Variants in IPO13 observed in about 807,000 individuals in gnomAD.
IPO13 encodes the protein importin 13, also known as importin-13.
Under a neutral mutation model 115.5 loss-of-function variants are expected in IPO13, and 28 were observed. The ratio of observed to expected loss-of-function variants is 0.24; its 90% CI spans 0.18 to 0.33. The LOEUF is 0.33. Among genes scored for constraint, IPO13 ranks in the 10% least tolerant of loss-of-function variants. The pLI is 1.00. For missense variants in IPO13, 785 were observed against 1,204.6 expected (o/e 0.65, Z 5.16); for synonymous variants, 414 against 478.9 (o/e 0.86, Z 1.77).
chr1:43,961,409 A>G (rs2085289776), intron 14 of IPO13, 147 bp downstream of exon 14: 2 of 730,040 alleles, frequency 2.7e-6, no homozygotes, highest in Middle Eastern at 2.4e-4. Flanking sequence ...ATCAAGCACA[A>G]CACCTTATAA....
At position 43,966,919 on chromosome 1, in the gene IPO13, A is replaced by C; in HGVS notation, c.2524-11A>C. On this transcript the variant is annotated splice_polypyrimidine_tract_variant and intron_variant, in intron 17 of 19. Transcript: ENST00000372343. The surrounding 1 kb of genome is among the most constrained non-coding windows in gnomAD (Gnocchi z 4.1). ...AGGAGCTGGGCTGATGGGCCTCTCCATCCTCTGCAGACAGAGCTGCTGCCT... is the reference window on the plus strand; with the variant it reads ...AGGAGCTGGGCTGATGGGCCTCTCCCTCCTCTGCAGACAGAGCTGCTGCCT... 6.2e-7 allele frequency: 1 copy of C among 1,613,482 alleles called. No homozygotes were observed. Among genetic ancestry groups the C allele is most frequent in the South Asian group, 1.1e-5 (1 of 91,084 alleles).
In IPO13 at chr1:43,947,517, CG is replaced by C; in HGVS notation, c.-80del. 1 of 793,962 alleles carries C rather than the reference CG, an allele frequency of 1.3e-6. No homozygotes were observed. 49.2% of individuals were successfully genotyped at this position (793,962 alleles called of 1,614,324 possible). On this transcript the variant is annotated 5_prime_UTR_variant, in exon 1 of 20. It removes the in-frame stop codon of an upstream open reading frame in the 5' UTR. Transcript: ENST00000372343. ...CCCACCACTCCCTGGGCACCCAAGCCGGGGTCTAGCAGGGGGCCAGCAGCCA... is the reference window on the plus strand; with the variant it reads ...CCCACCACTCCCTGGGCACCCAAGCCGGGTCTAGCAGGGGGCCAGCAGCCA...
Position 43,950,212 on chromosome 1 carries a change from A to G in IPO13, c.821+59A>G. 2.0e-6 allele frequency: 3 copies of G among 1,536,712 alleles called. No homozygotes were observed. The South Asian group carries it at 3.8e-5, about 19-fold the overall frequency. On this transcript the variant is annotated intron_variant, in intron 2 of 19. Coordinates refer to ENST00000372343, the MANE Select transcript of IPO13 (RefSeq NM_014652.4). Reference sequence around the variant, plus strand: ...TCTTTGGCCAGCCACACATCCATCCATCCATCTGTTCAATAAACATTAATT... The same window carrying G: ...TCTTTGGCCAGCCACACATCCATCCGTCCATCTGTTCAATAAACATTAATT...
chr1:43,957,739 G>A (rs2085261163), intron 7 of IPO13, among the ~76,000 whole-genome samples, 190 bp downstream of exon 7: 1 of 152,254 alleles, frequency 6.6e-6, no homozygotes, highest in Non-Finnish European at 1.5e-5. Context: ...GCAATTCAGT[G>A]AGGCTAGTTT....
chr1:43,948,640 C>T lies in IPO13; in HGVS notation c.85-777C>T, dbSNP rs764565246. On this transcript the variant is annotated intron_variant, in intron 1 of 19. Transcript: ENST00000372343. ...GGTCAGGGTCCTGGCCATACTCTTC[C>T]GCCCCTTGGAGCAGGGCAGTGTTGG... Among the ~76,000 whole-genome samples the T allele has an allele frequency of 2.0e-4, 31 of 152,366 alleles. No homozygotes were observed. The East Asian group carries it at 3.5e-3, about 17-fold the overall frequency.
rs1278111482 is a variant in IPO13 at position 43,956,126 on chromosome 1, G to T, written c.822-194G>T. 6.6e-6 allele frequency among the ~76,000 whole-genome samples: 1 copy of T among 152,132 alleles called. No homozygotes were observed. The highest frequency in any genetic ancestry group is 1.5e-5 in the Non-Finnish European group (1 of 68,024). On this transcript the variant is annotated intron_variant, in intron 2 of 19. Transcript: ENST00000372343. This position sits in a 1 kb window ranked among gnomAD's most constrained non-coding sequence, Gnocchi z 4.7. Reference sequence around the variant, plus strand: ...TACGTCCTTCTCAGAGTTCTTCTGGGGGTCCCTGATCTAAGGTTCTTCCCA... The same window carrying T: ...TACGTCCTTCTCAGAGTTCTTCTGGTGGTCCCTGATCTAAGGTTCTTCCCA...
rs967255497 is a variant in IPO13 at position 43,967,270 on chromosome 1, C to A, written c.2614-45C>A. 1 of 1,585,904 alleles carries A rather than the reference C, an allele frequency of 6.3e-7. No homozygotes were observed. Among genetic ancestry groups the A allele is most frequent in the Admixed American group, 1.7e-5 (1 of 59,108 alleles). On this transcript the variant is annotated intron_variant, in intron 18 of 19. Transcript: ENST00000372343. This position sits in a 1 kb window ranked among gnomAD's most constrained non-coding sequence, Gnocchi z 6.1. ...TTAGGCATTCTTGCTGCAGAAGCGG[C>A]GGAAGGGGCAACACCCTGGTGTGCT...
At chr1:43,965,655 G>C (rs1251123110) in intron 15 of IPO13, among the ~76,000 whole-genome samples, 2 of 151,814 alleles carry the variant, frequency 1.3e-5, no homozygotes, top group Non-Finnish European at 2.9e-5. Context: ...TGTAATGAGG[G>C]TGTGTTCCAG....
At position 43,966,299 on chromosome 1, in the gene IPO13, G is replaced by C; in HGVS notation, c.2398-276G>C. On this transcript the variant is annotated intron_variant, in intron 15 of 19. Transcript: ENST00000372343. The surrounding 1 kb of genome is among the most constrained non-coding windows in gnomAD (Gnocchi z 4.1). ...ATGGAGGGGGAGGGAAAGGTGTCTG[G>C]AACCCAAACTTTCTGCATTATGATC... 1 of 553,058 alleles carries C rather than the reference G, an allele frequency of 1.8e-6. No homozygotes were observed. Among genetic ancestry groups the C allele is most frequent in the Admixed American group, 3.1e-5 (1 of 32,476 alleles). The allele number at this position is 553,058 out of a possible 1,614,324, so 34.3% of individuals were successfully genotyped here.
chr1:43,960,224 G>A (rs376090151), intron 11 of IPO13, 25 bp from the exon 12 acceptor site: 7 of 1,611,832 alleles, frequency 4.3e-6, no homozygotes, highest in Admixed American at 1.7e-5. Context: ...TAGCAGAAGC[G>A]CCTCACTTCT....
chr1:43,966,294 G>A lies in IPO13; in HGVS notation c.2398-281G>A, dbSNP rs1231938880. The A allele has an allele frequency of 1.8e-6, 1 of 546,186 alleles. No homozygotes were observed. Among genetic ancestry groups the A allele is most frequent in the Non-Finnish European group, 3.3e-6 (1 of 302,490 alleles). 33.8% of individuals were successfully genotyped at this position (546,186 alleles called of 1,614,324 possible). ...CCCTGATGGAGGGGGAGGGAAAGGT[G>A]TCTGGAACCCAAACTTTCTGCATTA... On this transcript the variant is annotated intron_variant, in intron 15 of 19. Transcript: ENST00000372343. The surrounding 1 kb of genome is among the most constrained non-coding windows in gnomAD (Gnocchi z 4.1).
chr1:43,956,653 C>G lies in IPO13; in HGVS notation c.1056C>G (p.Val352=), dbSNP rs1230034715. Residue 352 remains valine (V), a synonymous_variant, in exon 4 of 20, where the codon GTC becomes GTG. Transcript: ENST00000372343. This position sits in a 1 kb window ranked among gnomAD's most constrained non-coding sequence, Gnocchi z 4.7. ...FCTGIPGHYP[V]NETTSSLTLT... ...CAGGCATCCCTGGCCACTATCCTGT[C>G]AATGAGACCACCAGCTCCCTAACCC... 6.2e-7 allele frequency: 1 copy of G among 1,614,094 alleles called. No individual in the cohort carries two copies. Among genetic ancestry groups the G allele is most frequent in the African/African-American group, 1.3e-5 (1 of 74,918 alleles).
chr1:43,958,808 C>T lies in IPO13; in HGVS notation c.1947C>T (p.Thr649=). 5 of 1,614,132 alleles carry T rather than the reference C, an allele frequency of 3.1e-6. No homozygotes were observed. Among genetic ancestry groups the T allele is most frequent in the South Asian group, 2.2e-5 (2 of 91,086 alleles). Residue 649 remains threonine (T), a synonymous_variant, in exon 11 of 20, where the codon ACC becomes ACT. Coordinates refer to ENST00000372343, the MANE Select transcript of IPO13 (RefSeq NM_014652.4). This position sits in a 1 kb window ranked among gnomAD's most constrained non-coding sequence, Gnocchi z 6.3. The stretch of plus-strand genomic sequence containing the variant: ...TGGGGCTTCTCTCCAACCTCTTCAC[C>T]ACACTGGACATCAGTCATCATGAGG... ...HILGLLSNLF[T]TLDISHHEDD...
chr1:43,959,554 A>G (rs1182469755), intron 11 of IPO13, among the ~76,000 whole-genome samples: 1 of 152,210 alleles, frequency 6.6e-6, no homozygotes, highest in African/African-American at 2.4e-5. Flanking sequence ...GGTAGTTTGC[A>G]TATTGTAAAG....
In IPO13 at chr1:43,966,883, G is replaced by A; in HGVS notation, c.2524-47G>A. On this transcript the variant is annotated intron_variant, in intron 17 of 19. Transcript: ENST00000372343. This position sits in a 1 kb window ranked among gnomAD's most constrained non-coding sequence, Gnocchi z 4.1. ...GGGGTGTACAGGTCTTGTCCTCAGG[G>A]AGAGCTGGGAAGGAGCTGGGCTGAT... 1 of 1,609,874 alleles carries A rather than the reference G, an allele frequency of 6.2e-7. No individual in the cohort carries two copies. Among genetic ancestry groups the A allele is most frequent in the Non-Finnish European group, 8.5e-7 (1 of 1,176,512 alleles).
At position 43,947,629 on chromosome 1, in the gene IPO13, C is replaced by T; in HGVS notation, c.29C>T (p.Ala10Val). 1 of 1,329,932 alleles carries T rather than the reference C, an allele frequency of 7.5e-7. No homozygotes were observed. Among genetic ancestry groups the T allele is most frequent in the Non-Finnish European group, 9.7e-7 (1 of 1,032,100 alleles). The allele number at this position is 1,329,932 out of a possible 1,614,324, so 82.4% of individuals were successfully genotyped here. A position where few individuals can be genotyped will look rare whatever the true frequency, so the allele number is the denominator to read the frequency against. Residue 10 changes from alanine (A) to valine (V), a missense_variant, in exon 1 of 20, where the codon GCT (alanine) becomes GTT (valine). By Grantham distance (64) the Ala-to-Val change is moderately conservative. This residue lies in a region of IPO13 where 325 missense variants were observed against 449.8 expected (regional missense o/e 0.72). Coordinates refer to ENST00000372343, the MANE Select transcript of IPO13 (RefSeq NM_014652.4). MERREEQPG[A>V]AGAGAAPALD... ...GAGCGGCGGGAGGAGCAGCCGGGGG[C>T]TGCAGGGGCTGGAGCAGCACCAGCC...
chr1:43,948,480 G>T (rs1473569216), intron 1 of IPO13, among the ~76,000 whole-genome samples: 2 of 152,250 alleles, frequency 1.3e-5, no homozygotes, highest in Non-Finnish European at 2.9e-5. Flanking sequence ...ACCCCCGTTT[G>T]CCATAACAAA....
At position 43,950,100 on chromosome 1, in the gene IPO13, C is replaced by T. The variant is rs764237703; in HGVS notation, c.768C>T (p.Phe256=). ...AFAALQDSEL[F]DSSVEAIVNA... Reference sequence around the variant, plus strand: ...CTGCTCTGCAGGACTCGGAGCTCTTCGACAGCAGTGTGGAGGCCATTGTGA... The same window carrying T: ...CTGCTCTGCAGGACTCGGAGCTCTTTGACAGCAGTGTGGAGGCCATTGTGA... Residue 256 remains phenylalanine, a synonymous_variant, in exon 2 of 20, where the codon TTC becomes TTT. Coordinates refer to ENST00000372343, the MANE Select transcript of IPO13 (RefSeq NM_014652.4). 1.1e-5 allele frequency: 17 copies of T among 1,613,840 alleles called. No homozygotes were observed. Among genetic ancestry groups the T allele is most frequent in the Middle Eastern group, 1.6e-4 (1 of 6,062 alleles).
Position 43,958,268 on chromosome 1 carries a change from G to A in IPO13, c.1749G>A (p.Lys583=), listed in dbSNP as rs2154302271. Residue 583 remains lysine (K), a splice_region_variant and synonymous_variant, in exon 9 of 20, where the codon AAG becomes AAA. Transcript: ENST00000372343. The surrounding 1 kb of genome is among the most constrained non-coding windows in gnomAD (Gnocchi z 6.3). The part of the protein sequence containing the change: ...SQDVLMKQIH[K]TSQCMWLMQA... ...ATGTGCTGATGAAACAGATCCACAAGGTGCGGCTCAAAAGTTTCTAGGGGT... is the reference window on the plus strand; with the variant it reads ...ATGTGCTGATGAAACAGATCCACAAAGTGCGGCTCAAAAGTTTCTAGGGGT... 1 of 1,614,172 alleles carries A rather than the reference G, an allele frequency of 6.2e-7. No homozygotes were observed. Among genetic ancestry groups the A allele is most frequent in the South Asian group, 1.1e-5 (1 of 91,076 alleles).
Sources: allele counts gnomAD v4.1 joint callset (sites outside exome capture counted in the v4.1 genomes callset), GRCh38; gene constraint gnomAD v4.1.1; regional missense constraint gnomAD v4.1.1; non-coding constraint Gnocchi (gnomAD v3.1); transcripts MANE v1.5; gene names NCBI Gene and HGNC (gene_info 2026-07-23, HGNC 2026-07-21).